Variants in KDSR observed in about 807,000 individuals in gnomAD.
KDSR encodes 3-dehydrosphinganine reductase.
A neutral mutation model predicts 41.3 loss-of-function variants in KDSR; 23 were observed. The ratio of observed to expected loss-of-function variants is 0.56; its 90% CI spans 0.40 to 0.79. The LOEUF (loss-of-function observed/expected upper bound fraction) is 0.79, where lower values mean the gene tolerates loss of function less well. Among genes scored for constraint, KDSR ranks in the 30% least tolerant of loss-of-function variants. The pLI is 0.00. For synonymous variants in KDSR, 138 were observed against 151.7 expected, an observed-to-expected ratio of 0.91 and a Z score of 0.66; for missense variants, 351 against 416.8, an observed-to-expected ratio of 0.84 and a Z score of 1.37.
At chr18:63,363,490 C>A (rs887673488) in intron 1 of KDSR, among the ~76,000 whole-genome samples, 1 of 143,142 alleles carries the variant, frequency 7.0e-6, no homozygotes, top group Non-Finnish European at 1.5e-5. Flanking sequence ...TTTGTTCTTG[C>A]GATAGTTTAC....
At chr18:63,358,043 ACG>A in intron 3 of KDSR, among the ~76,000 whole-genome samples, 1 of 152,194 alleles carries the variant, frequency 6.6e-6, no homozygotes, top group South Asian at 2.1e-4. Context: ...GGGCGTAGTG[ACG>A]CGCGCCTGTA....
Position 63,331,444 on chromosome 18 carries a change from G to C in KDSR, c.*338C>G, listed in dbSNP as rs1352091199. 5 of 238,856 alleles carry C rather than the reference G, an allele frequency of 2.1e-5. No individual in the cohort carries two copies. The highest frequency in any genetic ancestry group is 1.2e-3 in the Middle Eastern group (1 of 830). 14.8% of individuals were successfully genotyped at this position (238,856 alleles called of 1,614,324 possible). On this transcript the variant is annotated 3_prime_UTR_variant, in exon 10 of 10. Transcript: ENST00000645214. The stretch of plus-strand genomic sequence containing the variant: ...AGTACATTTCTGGACTTAATCTCTA[G>C]GGGGGCAAAAAAGAATAAATAGAAA...
At chr18:63,366,842 G>A (rs931479633) in intron 1 of KDSR, among the ~76,000 whole-genome samples, 169 bp downstream of exon 1, 2 of 152,206 alleles carry the variant, frequency 1.3e-5, no homozygotes, top group Non-Finnish European at 2.9e-5. Flanking sequence ...GCCGGGTGCC[G>A]GGGCCGGGGG....
chr18:63,329,278 C>G lies in KDSR; in HGVS notation c.*2504G>C, dbSNP rs1367856667. The G allele has an allele frequency of 2.4e-5, 5 of 208,298 alleles. No individual in the cohort carries two copies. The highest frequency in any genetic ancestry group is 1.1e-4 in the African/African-American group (5 of 43,886). 12.9% of individuals were successfully genotyped at this position (208,298 alleles called of 1,614,324 possible). ...TGGGGTTTTAAAAAGGCAATATGGG[C>G]ATATTTTGAATATTACAAAACACCT... On this transcript the variant is annotated 3_prime_UTR_variant, in exon 10 of 10. Transcript: ENST00000645214.
intron 6 of KDSR, among the ~76,000 whole-genome samples, chr18:63,349,333 T>C (rs945313907): frequency 5.3e-5 from 8 of 152,096 alleles, no homozygotes; most frequent in Non-Finnish European, 4.4e-5. Flanking sequence ...CAGTGAGCTA[T>C]GATTGTGCCA....
intron 8 of KDSR, among the ~76,000 whole-genome samples, chr18:63,336,253 C>T (rs1914153229): frequency 6.6e-6 from 1 of 152,150 alleles, no homozygotes; most frequent in South Asian, 2.1e-4. Context: ...TGGTCTCAAA[C>T]CCCTGAGCTC....
At position 63,361,366 on chromosome 18, in the gene KDSR, C is replaced by G. The variant is rs568973743; in HGVS notation, c.198+1413G>C. Reference sequence around the variant, plus strand: ...TGCCTCCACTTTTATTTACTTGCATCAAAACTGGTGTTTAAAACTCACAAA... The same window carrying G: ...TGCCTCCACTTTTATTTACTTGCATGAAAACTGGTGTTTAAAACTCACAAA... On this transcript the variant is annotated intron_variant, in intron 2 of 9. Coordinates refer to ENST00000645214, the MANE Select transcript of KDSR (RefSeq NM_002035.4). Among the ~76,000 whole-genome samples the G allele has an allele frequency of 2.6e-5, 4 of 151,868 alleles. No homozygotes were observed. In the South Asian group the frequency reaches 8.3e-4, roughly 32 times the overall value.
intron 5 of KDSR, among the ~76,000 whole-genome samples, chr18:63,352,948 C>T (rs540562811): frequency 2.7e-5 from 4 of 150,454 alleles, no homozygotes; most frequent in Non-Finnish European, 5.9e-5. Context: ...AGGTGGATTA[C>T]CTGAGGTCAG....
At chr18:63,344,609 TC>T (rs1914443086) in intron 6 of KDSR, 116 bp from the exon 7 acceptor site, 1 of 671,282 alleles carries the variant, frequency 1.5e-6, no homozygotes, top group African/African-American at 1.8e-5. Context: ...ATGGGGTGAT[TC>T]TGTTAGGCGG....
Position 63,360,385 on chromosome 18 carries a change from AT to A in KDSR, c.199-594del, listed in dbSNP as rs539147999. Among the ~76,000 whole-genome samples, 19 of 152,366 alleles carry A rather than the reference AT, an allele frequency of 1.2e-4. No homozygotes were observed. The East Asian group carries it at 3.5e-3, about 28-fold the overall frequency. The stretch of plus-strand genomic sequence containing the variant: ...TTTACTTAGTCTCAAGAAAACAGAT[AT>A]CAGATTATCTTAATTTGCTGTAAAA... On this transcript the variant is annotated intron_variant, in intron 2 of 9. Transcript: ENST00000645214.
intron 2 of KDSR, 95 bp downstream of exon 2, chr18:63,362,684 T>C (rs1915023348): frequency 3.8e-6 from 3 of 799,704 alleles, no homozygotes; most frequent in East Asian, 5.1e-5. Context: ...GAAGAAGCGC[T>C]TTCTAGGTGT....
At chr18:63,357,829 G>A (rs1441421291) in intron 3 of KDSR, among the ~76,000 whole-genome samples, 2 of 151,756 alleles carry the variant, frequency 1.3e-5, no homozygotes, top group South Asian at 2.1e-4. Context: ...TGCCCGTCTC[G>A]GCCTCTCAAA....
At chr18:63,356,950 G>A (rs1013475243) in intron 3 of KDSR, among the ~76,000 whole-genome samples, 6 of 152,108 alleles carry the variant, frequency 3.9e-5, no homozygotes, top group African/African-American at 1.4e-4. Context: ...AGCACAGACT[G>A]CAATTGCAAA....
In KDSR at chr18:63,351,084, AGG is replaced by A; in HGVS notation, c.418-7_418-6del. ...GTAATTGATGCTCATTAACCTCTGC[AGG>A]GAACAAAGAGGCCACATGAGGTCAA... is the stretch of plus-strand genomic sequence containing the variant. On this transcript the variant is annotated splice_polypyrimidine_tract_variant and splice_region_variant and intron_variant, in intron 5 of 9. Transcript: ENST00000645214. 1 of 1,608,588 alleles carries A rather than the reference AGG, an allele frequency of 6.2e-7. No homozygotes were observed. Among genetic ancestry groups the A allele is most frequent in the South Asian group, 1.1e-5 (1 of 90,142 alleles).
intron 1 of KDSR, chr18:63,365,927 C>T (rs1355142526): frequency 6.6e-6 from 1 of 152,176 alleles, no homozygotes; most frequent in Non-Finnish European, 1.5e-5. Flanking sequence ...TTCACAAACC[C>T]TTGTACAGAT....
At position 63,335,331 on chromosome 18, in the gene KDSR, A is replaced by G; in HGVS notation, c.805T>C (p.Ser269Pro). ...IQGNFNSSLG[S>P]DGYMLSALTC... ...AGGGCCGAGAGCATGTACCCATCTG[A>G]GCCAAGGGAACTGTTGAAATTTCCT... The change falls in exon 9 of 10, where the codon TCA (serine) becomes CCA (proline). Residue 269 changes from serine to proline, a missense_variant. Ser to Pro is a moderately conservative substitution (Grantham distance 74). Transcript: ENST00000645214. 1.9e-6 allele frequency: 3 copies of G among 1,613,908 alleles called. No homozygotes were observed. The highest frequency in any genetic ancestry group is 2.5e-6 in the Non-Finnish European group (3 of 1,179,806).
Position 63,358,814 on chromosome 18 carries a change from C to CA in KDSR, c.255+921dup, listed in dbSNP as rs10652370. Among the ~76,000 whole-genome samples the CA allele has an allele frequency of 6.5e-4, 41 of 62,634 alleles. 2 individuals are homozygous for CA. Among genetic ancestry groups the CA allele is most frequent in the East Asian group, 5.6e-3 (10 of 1,792 alleles). The allele number at this position is 62,634 out of a possible 152,430, so 41.1% of individuals were successfully genotyped here. ...TGGGTGACAGAGAGAGACTCTGTCTCAAAAAAAAAAAAAAAAAAGAACTAA... is the reference window on the plus strand; with the variant it reads ...TGGGTGACAGAGAGAGACTCTGTCTCAAAAAAAAAAAAAAAAAAAGAACTAA... On this transcript the variant is annotated intron_variant, in intron 3 of 9. Transcript: ENST00000645214.
intron 7 of KDSR, among the ~76,000 whole-genome samples, chr18:63,342,603 A>G (rs1914374237): frequency 6.6e-6 from 1 of 152,236 alleles, no homozygotes; most frequent in South Asian, 2.1e-4. Flanking sequence ...GTCACTATAG[A>G]ATGGTCCAAG....
At chr18:63,366,681 A>G (rs1476256508) in intron 1 of KDSR, 2 of 248,858 alleles carry the variant, frequency 8.0e-6, no homozygotes, top group East Asian at 7.2e-5. Context: ...AAAACTGAGG[A>G]CAAAACATCC....
Sources: gnomAD v4.1 joint callset for allele counts (sites outside exome capture counted in the v4.1 genomes callset) on GRCh38, gnomAD v4.1.1 for gene constraint, MANE v1.5 for transcripts, NCBI Gene and HGNC (gene_info 2026-07-23, HGNC 2026-07-21) for gene names.